Variants in LTBP1 observed in about 807,000 individuals in gnomAD.
LTBP1 encodes the protein latent transforming growth factor beta binding protein 1, also known as latent-transforming growth factor beta-binding protein 1.
In LTBP1, 129 loss-of-function variants were observed where a neutral mutation model predicts 207.6. The observed-to-expected ratio is 0.62, with a 90% CI of 0.54 to 0.72. The LOEUF is 0.72. LTBP1 is among the 30% of genes least tolerant of loss of function. LTBP1 has a pLI of 0.00. For missense variants in LTBP1, 2,281 were observed against 2,217.2 expected (o/e 1.03, Z -0.58); for synonymous variants, 963 against 833.7 (o/e 1.16, Z -2.67).
At chr2:33,367,731 T>G (rs530678767) in intron 31 of LTBP1, among the ~76,000 whole-genome samples, 17 of 152,168 alleles carry the variant, frequency 1.1e-4, no homozygotes, top group Non-Finnish European at 2.1e-4. Flanking sequence ...AGAAATTTTC[T>G]TACTGAGGCA....
intron 24 of LTBP1, among the ~76,000 whole-genome samples, chr2:33,322,513 G>A (rs946679521): frequency 3.3e-5 from 5 of 152,166 alleles, no homozygotes; most frequent in African/African-American, 1.2e-4. Context: ...CACTATGAGT[G>A]GACTGGAGAT....
At chr2:33,383,729 G>GT (rs1053854413) in intron 31 of LTBP1, among the ~76,000 whole-genome samples, 4 of 152,066 alleles carry the variant, frequency 2.6e-5, no homozygotes, top group African/African-American at 9.7e-5. Context: ...TGGAGACAGA[G>GT]TTTCACCATG....
At chr2:33,286,086 C>G (rs539806470) in intron 19 of LTBP1, among the ~76,000 whole-genome samples, 1 of 152,242 alleles carries the variant, frequency 6.6e-6, no homozygotes, top group South Asian at 2.1e-4. Flanking sequence ...ATGCAGCTAG[C>G]CTTTTGGGGG....
At chr2:33,083,255 G>T (rs968408490) in intron 3 of LTBP1, among the ~76,000 whole-genome samples, 1 of 151,842 alleles carries the variant, frequency 6.6e-6, no homozygotes, top group Non-Finnish European at 1.5e-5. Flanking sequence ...GGTCATACCC[G>T]TCTCTCAAGA....
intron 2 of LTBP1, among the ~76,000 whole-genome samples, chr2:32,962,471 C>T (rs1254406545): frequency 6.6e-6 from 1 of 152,174 alleles, no homozygotes; most frequent in African/African-American, 2.4e-5. Context: ...GATTGGCCTA[C>T]ACAGCGGTTC....
intron 2 of LTBP1, among the ~76,000 whole-genome samples, chr2:33,004,395 G>A (rs1302893375): frequency 6.6e-6 from 1 of 151,956 alleles, no homozygotes; most frequent in African/African-American, 2.4e-5. Flanking sequence ...CCCCTTATAT[G>A]GGCATGGCGA....
intron 2 of LTBP1, among the ~76,000 whole-genome samples, chr2:32,980,536 T>C (rs1682602125): frequency 6.6e-6 from 1 of 152,222 alleles, no homozygotes; most frequent in Non-Finnish European, 1.5e-5. Flanking sequence ...TATTTATATC[T>C]TACTGTACTG....
At chr2:33,377,643 G>A (rs1558322832) in intron 31 of LTBP1, among the ~76,000 whole-genome samples, 1 of 152,122 alleles carries the variant, frequency 6.6e-6, no homozygotes, top group Non-Finnish European at 1.5e-5. Context: ...AGAAATTCAG[G>A]CATGCATGTA....
At chr2:33,127,632 A>T (rs942513673) in intron 4 of LTBP1, among the ~76,000 whole-genome samples, 2 of 152,326 alleles carry the variant, frequency 1.3e-5, no homozygotes, top group South Asian at 4.1e-4. Context: ...GGAGGATAAG[A>T]ATATAGACTA....
chr2:33,050,480 A>G (rs956067599), intron 3 of LTBP1, among the ~76,000 whole-genome samples: 1 of 152,196 alleles, frequency 6.6e-6, no homozygotes, highest in Non-Finnish European at 1.5e-5. Flanking sequence ...TCACCTGTAC[A>G]TTAGACACCA....
At chr2:33,110,411 A>C (rs974012838) in intron 3 of LTBP1, among the ~76,000 whole-genome samples, 171 bp from the exon 4 acceptor site, 1 of 152,096 alleles carries the variant, frequency 6.6e-6, no homozygotes, top group African/African-American at 2.4e-5. Context: ...GCCATCATTT[A>C]CCTCCTTCTA....
rs73924135 is a variant in LTBP1, at chr2:33,060,283, T to A, written c.863+39077T>A. Among the ~76,000 whole-genome samples, 809 of 152,280 alleles carry A rather than the reference T, an allele frequency of 5.3e-3. 4 individuals carry two copies. The highest frequency in any genetic ancestry group is 0.018 in the African/African-American group (760 of 41,560). On this transcript the variant is annotated intron_variant, in intron 3 of 33. Coordinates refer to ENST00000404816, the MANE Select transcript of LTBP1 (RefSeq NM_206943.4). ...ATGTGGAGAGGCTAAATGACAGTTG[T>A]GTTATGGATCCTTTTCCTTTTAATT... is the stretch of plus-strand genomic sequence containing the variant.
chr2:33,343,360 G>T (rs997694928), intron 25 of LTBP1, among the ~76,000 whole-genome samples: 1 of 147,902 alleles, frequency 6.8e-6, no homozygotes, highest in East Asian at 2.0e-4. Flanking sequence ...GCAATAAGCC[G>T]TGATCATGCC....
intron 31 of LTBP1, among the ~76,000 whole-genome samples, chr2:33,366,954 C>CTAAAG: frequency 6.6e-6 from 1 of 152,192 alleles, no homozygotes; most frequent in East Asian, 1.9e-4. Context: ...TGTATTCCTC[C>CTAAAG]TAAAGTATTA....
At chr2:33,160,272 A>G (rs1161995043) in intron 5 of LTBP1, among the ~76,000 whole-genome samples, 1 of 152,194 alleles carries the variant, frequency 6.6e-6, no homozygotes, top group Admixed American at 6.5e-5. Flanking sequence ...ACGAAGAGAA[A>G]ATTTATTAGG....
chr2:33,393,351 T>C (rs1301180069), intron 32 of LTBP1, among the ~76,000 whole-genome samples: 2 of 151,732 alleles, frequency 1.3e-5, no homozygotes, highest in African/African-American at 4.8e-5. Flanking sequence ...TGCAGTTTTG[T>C]TACATATGTA....
rs1261515377 is a variant in LTBP1, at chr2:33,134,362, C to T, written c.1034-431C>T. On this transcript the variant is annotated intron_variant, in intron 4 of 33. Coordinates refer to ENST00000404816, the MANE Select transcript of LTBP1 (RefSeq NM_206943.4). This position sits in a 1 kb window ranked among gnomAD's most constrained non-coding sequence, Gnocchi z 4.4. ...TAAGTGGAGAAACAGGGAAAGTATGCAAGTTGAGGACACAAGAGTTTATTC... is the reference window on the plus strand; with the variant it reads ...TAAGTGGAGAAACAGGGAAAGTATGTAAGTTGAGGACACAAGAGTTTATTC... 6 of 467,030 alleles carry T rather than the reference C, an allele frequency of 1.3e-5. No homozygotes were observed. Among genetic ancestry groups the T allele is most frequent in the African/African-American group, 2.0e-5 (1 of 50,002 alleles). 28.9% of individuals were successfully genotyped at this position (467,030 alleles called of 1,614,324 possible).
intron 19 of LTBP1, among the ~76,000 whole-genome samples, chr2:33,290,819 G>T (rs1337076401): frequency 6.6e-6 from 1 of 152,134 alleles, no homozygotes; most frequent in Non-Finnish European, 1.5e-5. Context: ...AGACTCAGAG[G>T]TACCTGGGGG....
intron 3 of LTBP1, among the ~76,000 whole-genome samples, chr2:33,042,208 A>T (rs1054023765): frequency 1.3e-5 from 2 of 152,100 alleles, no homozygotes; most frequent in African/African-American, 4.8e-5. Flanking sequence ...TTATTTTCTT[A>T]CTTGTTGATA....
Sources: allele counts gnomAD v4.1 joint callset (sites outside exome capture counted in the v4.1 genomes callset), GRCh38; gene constraint gnomAD v4.1.1; non-coding constraint Gnocchi (gnomAD v3.1); transcripts MANE v1.5; gene names NCBI Gene and HGNC (gene_info 2026-07-23, HGNC 2026-07-21).